The following LRRTM3 variants were observed in gnomAD, a reference collection of about 807,000 sequenced individuals.
LRRTM3 encodes leucine-rich repeat transmembrane neuronal protein 3.
In LRRTM3, 24 loss-of-function variants were observed where a neutral mutation model predicts 44.7. The observed-to-expected ratio is 0.54, with a 90% CI of 0.39 to 0.76. LRRTM3 has a LOEUF of 0.76. Ranked by LOEUF, LRRTM3 falls within the 30% of genes least tolerant of loss-of-function variation. LRRTM3 has a pLI of 0.00. For missense variants in LRRTM3, 587 were observed against 702.2 expected (o/e 0.84, Z 1.85); for synonymous variants, 277 against 278.7 (o/e 0.99, Z 0.06).
chr10:67,046,975 AGAGGG>A (rs1854792889), intron 2 of LRRTM3, among the ~76,000 whole-genome samples: 3 of 152,204 alleles, frequency 2.0e-5, no homozygotes, highest in Non-Finnish European at 4.4e-5. Context: ...AAGAGGGTAC[AGAGGG>A]TAGAAAAGAA....
At chr10:66,956,684 G>A (rs1197281938) in intron 2 of LRRTM3, among the ~76,000 whole-genome samples, 1 of 152,168 alleles carries the variant, frequency 6.6e-6, no homozygotes, top group East Asian at 1.9e-4. Flanking sequence ...TTTTCCTGCA[G>A]AGTAAATCTC....
At chr10:66,934,841 T>TA (rs1349114248) in intron 2 of LRRTM3, among the ~76,000 whole-genome samples, 1 of 152,106 alleles carries the variant, frequency 6.6e-6, no homozygotes, top group Non-Finnish European at 1.5e-5. Context: ...TCACATCAAT[T>TA]ACATCTATGC....
chr10:67,096,527 T>G (rs1183571802), intron 2 of LRRTM3, among the ~76,000 whole-genome samples: 1 of 151,900 alleles, frequency 6.6e-6, no homozygotes, highest in African/African-American at 2.4e-5. Context: ...CTCCAGAGAA[T>G]TCAACAGCAT....
chr10:67,000,547 T>A (rs1851617496), intron 2 of LRRTM3, among the ~76,000 whole-genome samples: 1 of 152,088 alleles, frequency 6.6e-6, no homozygotes, highest in Non-Finnish European at 1.5e-5. Flanking sequence ...AAGCTAAAAA[T>A]TACACCAATC....
In LRRTM3 at chr10:66,927,100, G is replaced by A. The variant is rs1847126133; in HGVS notation, c.184G>A (p.Gly62Ser). 6.2e-7 allele frequency: 1 copy of A among 1,613,978 alleles called. No homozygotes were observed. The highest frequency in any genetic ancestry group is 8.5e-7 in the Non-Finnish European group (1 of 1,180,036). The change falls in exon 2 of 3, where the codon GGT becomes AGT. Residue 62 changes from glycine (G) to serine (S), a missense_variant. This residue lies in a region of LRRTM3 where 222 missense variants were observed against 323.3 expected (regional missense o/e 0.69). Coordinates refer to ENST00000361320, the MANE Select transcript of LRRTM3 (RefSeq NM_178011.5). This position sits in a 1 kb window ranked among gnomAD's most constrained non-coding sequence, Gnocchi z 4.7. ...GGAGATACCCTCAAGTATATCTGCT[G>A]GTTGCTTAGGTTTGTCCCTTCGCTA... ...LQEIPSSISA[G>S]CLGLSLRYNS...
At chr10:67,014,537 C>G (rs1852538065) in intron 2 of LRRTM3, among the ~76,000 whole-genome samples, 1 of 151,998 alleles carries the variant, frequency 6.6e-6, no homozygotes, top group South Asian at 2.1e-4. Context: ...AGATACTGTT[C>G]CTATGATCTC....
At chr10:67,003,973 C>T (rs1174864453) in intron 2 of LRRTM3, among the ~76,000 whole-genome samples, 1 of 152,012 alleles carries the variant, frequency 6.6e-6, no homozygotes, top group Admixed American at 6.6e-5. Context: ...TTTCTGTACT[C>T]AAAGGACTTA....
chr10:66,981,499 T>A (rs1453757394), intron 2 of LRRTM3, among the ~76,000 whole-genome samples: 1 of 152,202 alleles, frequency 6.6e-6, no homozygotes, highest in Non-Finnish European at 1.5e-5. Context: ...CCTCAGTATC[T>A]TTCTCCTCCT....
At position 67,043,082 on chromosome 10, in the gene LRRTM3, A is replaced by C. The variant is rs145936825; in HGVS notation, c.1537-54505A>C. Among the ~76,000 whole-genome samples, 134 of 151,790 alleles carry C rather than the reference A, an allele frequency of 8.8e-4. 3 individuals carry two copies. Among genetic ancestry groups the C allele is most frequent in the African/African-American group, 3.1e-3 (130 of 41,440 alleles). On this transcript the variant is annotated intron_variant, in intron 2 of 2. Coordinates refer to ENST00000361320, the MANE Select transcript of LRRTM3 (RefSeq NM_178011.5). ...GGAAATACAGATATAAATTACCTGC[A>C]GGTGTGAGGGCTAGCTCTTGGGAGA... is the stretch of plus-strand genomic sequence containing the variant.
At chr10:67,080,767 G>C (rs562335871) in intron 2 of LRRTM3, among the ~76,000 whole-genome samples, 1 of 152,064 alleles carries the variant, frequency 6.6e-6, no homozygotes, top group South Asian at 2.1e-4. Context: ...AAATTAGCCC[G>C]GCGTGGTGGC....
At chr10:67,015,633 T>C (rs557942422) in intron 2 of LRRTM3, among the ~76,000 whole-genome samples, 1 of 152,302 alleles carries the variant, frequency 6.6e-6, no homozygotes, top group East Asian at 1.9e-4. Flanking sequence ...TCTCTCAGTA[T>C]TCATTGTTCT....
chr10:67,085,773 C>G (rs984976336), intron 2 of LRRTM3, among the ~76,000 whole-genome samples: 1 of 151,912 alleles, frequency 6.6e-6, no homozygotes, highest in Non-Finnish European at 1.5e-5. Context: ...AATTTTCAAA[C>G]TTTTACTAAT....
chr10:66,999,967 C>G (rs1851581791), intron 2 of LRRTM3, among the ~76,000 whole-genome samples: 1 of 152,182 alleles, frequency 6.6e-6, no homozygotes, highest in African/African-American at 2.4e-5. Context: ...ACTGCTCTGT[C>G]AGCTTTAATA....
intron 2 of LRRTM3, among the ~76,000 whole-genome samples, chr10:67,086,815 G>C (rs1162151176): frequency 6.6e-6 from 1 of 151,822 alleles, no homozygotes; most frequent in East Asian, 1.9e-4. Flanking sequence ...TGTTATGTTT[G>C]TTTGCTTTAT....
intron 2 of LRRTM3, among the ~76,000 whole-genome samples, chr10:67,053,419 C>T (rs939152799): frequency 5.3e-5 from 8 of 152,036 alleles, no homozygotes; most frequent in Non-Finnish European, 1.5e-5. Flanking sequence ...ACTTGAAGAA[C>T]ATTTTTATAA....
intron 2 of LRRTM3, among the ~76,000 whole-genome samples, chr10:66,978,751 A>C (rs983701836): frequency 4.8e-5 from 7 of 144,570 alleles, no homozygotes; most frequent in Non-Finnish European, 7.7e-5. Flanking sequence ...TATTTTATAA[A>C]GGATTTTTAT....
chr10:66,998,387 C>T (rs764196626), intron 2 of LRRTM3, among the ~76,000 whole-genome samples: 6 of 152,014 alleles, frequency 3.9e-5, no homozygotes, highest in Non-Finnish European at 8.8e-5. Context: ...AAGCATAGCA[C>T]AAAATAAAAT....
intron 2 of LRRTM3, among the ~76,000 whole-genome samples, chr10:66,975,239 G>T (rs1475313055): frequency 6.6e-6 from 1 of 152,126 alleles, no homozygotes; most frequent in Non-Finnish European, 1.5e-5. Flanking sequence ...AAAATATACA[G>T]CTCTCATATT....
intron 2 of LRRTM3, among the ~76,000 whole-genome samples, chr10:67,056,554 G>A (rs1855442971): frequency 6.6e-6 from 1 of 152,078 alleles, no homozygotes; most frequent in African/African-American, 2.4e-5. Flanking sequence ...TCAAAGGACA[G>A]GTTTGAATAC....
Sources: allele counts gnomAD v4.1 joint callset (sites outside exome capture counted in the v4.1 genomes callset), GRCh38; gene constraint gnomAD v4.1.1; regional missense constraint gnomAD v4.1.1; non-coding constraint Gnocchi (gnomAD v3.1); transcripts MANE v1.5; gene names NCBI Gene and HGNC (gene_info 2026-07-23, HGNC 2026-07-21).